The following PLCG2 variants were observed in gnomAD, a reference collection of about 807,000 sequenced individuals.
PLCG2 encodes the protein phospholipase C gamma 2.
PLCG2 carries 69 observed loss-of-function variants against 175.6 expected under a neutral mutation model. The ratio of observed to expected loss-of-function variants is 0.39; its 90% CI spans 0.32 to 0.48. The LOEUF is 0.48. PLCG2 is among the 20% of genes least tolerant of loss of function. The pLI, the probability that PLCG2 is intolerant of heterozygous loss-of-function variation, is 0.91. For synonymous variants in PLCG2, 827 were observed against 624.0 expected, an observed-to-expected ratio of 1.33 and a Z score of -4.85; for missense variants, 1,798 against 1,650.9, an observed-to-expected ratio of 1.09 and a Z score of -1.54.
At chr16:81,939,702 C>T (rs183297768) in intron 29 of PLCG2, among the ~76,000 whole-genome samples, 190 bp from the exon 30 acceptor site, 1 of 152,362 alleles carries the variant, frequency 6.6e-6, no homozygotes, top group East Asian at 1.9e-4. Context: ...CCTGCAACAG[C>T]AGCTTCCAGG....
intron 6 of PLCG2, among the ~76,000 whole-genome samples, chr16:81,869,506 C>T (rs1212752254): frequency 6.6e-6 from 1 of 152,182 alleles, no homozygotes; most frequent in African/African-American, 2.4e-5. Context: ...CAATAAAGAC[C>T]ATGTTTACTG....
intron 2 of PLCG2, among the ~76,000 whole-genome samples, chr16:81,825,200 G>A (rs1904993883): frequency 6.6e-6 from 1 of 152,078 alleles, no homozygotes; most frequent in African/African-American, 2.4e-5. Flanking sequence ...GGGCCATCCT[G>A]GCCTCAGTGA....
At chr16:81,938,682 G>A in intron 28 of PLCG2, 119 bp from the exon 29 acceptor site, 1 of 624,502 alleles carries the variant, frequency 1.6e-6, no homozygotes, top group East Asian at 2.7e-5. Flanking sequence ...AGTGAATCTA[G>A]GAAAATTAGG....
intron 30 of PLCG2, among the ~76,000 whole-genome samples, chr16:81,943,558 C>T (rs1372844233): frequency 6.6e-6 from 1 of 152,152 alleles, no homozygotes; most frequent in Non-Finnish European, 1.5e-5. Flanking sequence ...AGAGCCAAAC[C>T]ATAACATAGA....
chr16:81,940,791 C>A (rs996954647), intron 30 of PLCG2, among the ~76,000 whole-genome samples: 1 of 152,182 alleles, frequency 6.6e-6, no homozygotes. Context: ...ACAAAAAAAA[C>A]TGGCTCTCCT....
At chr16:81,803,314 GT>G (rs574317873) in intron 2 of PLCG2, among the ~76,000 whole-genome samples, 147 of 151,850 alleles carry the variant, frequency 9.7e-4, no homozygotes, top group African/African-American at 3.3e-3. Flanking sequence ...TAGAGATGGG[GT>G]TTTGCTGTGT....
At chr16:81,905,644 C>G (rs1320489123) in intron 15 of PLCG2, 137 bp downstream of exon 15, 1 of 635,044 alleles carries the variant, frequency 1.6e-6, no homozygotes, top group East Asian at 2.8e-5. Flanking sequence ...TGTGAATTTA[C>G]CTTCCTTCTT....
In PLCG2 at chr16:81,769,819, CAAAAAAAAAAA is replaced by C. The variant is rs71146043; in HGVS notation, c.-48+13870_-48+13880del. ...TGGGCGACAGAGCGAGACTCCGTCT[CAAAAAAAAAAA>C]AAAAAAAAAAAAAAAAGAAAAAGAC... On this transcript the variant is annotated intron_variant, in intron 2 of 5. Coordinates refer to the PLCG2 transcript ENST00000565054. Among the ~76,000 whole-genome samples the C allele has an allele frequency of 1.3e-3, 102 of 75,682 alleles. 1 individual carries two copies. Among genetic ancestry groups the C allele is most frequent in the Admixed American group, 4.3e-3 (23 of 5,346 alleles). 49.7% of individuals were successfully genotyped at this position (75,682 alleles called of 152,430 possible). A position where few individuals can be genotyped will look rare whatever the true frequency, so the allele number is the denominator to read the frequency against.
intron 2 of PLCG2, among the ~76,000 whole-genome samples, chr16:81,762,020 A>G (rs552129601): frequency 4.0e-5 from 6 of 151,660 alleles, no homozygotes; most frequent in Admixed American, 3.9e-4. Flanking sequence ...TTTAGTAGAG[A>G]TGGGGTTTCC....
rs1267800042 is a variant in PLCG2 at position 81,931,648 on chromosome 16, C to T, written c.2733C>T (p.Asp911=). 1.2e-6 allele frequency: 2 copies of T among 1,613,464 alleles called. No homozygotes were observed. Among genetic ancestry groups the T allele is most frequent in the African/African-American group, 2.7e-5 (2 of 74,910 alleles). The change falls in exon 25 of 33, where the codon GAC becomes GAT. Residue 911 remains aspartate, a synonymous_variant. Transcript: ENST00000564138. ...TCCGAGAGATCACCTGGAAGATTGACACCAAGGTAGGCACCTGCTCACCCG... is the reference window on the plus strand; with the variant it reads ...TCCGAGAGATCACCTGGAAGATTGATACCAAGGTAGGCACCTGCTCACCCG... ...QSIREITWKI[D]TKENNMKYWE... is the part of the protein sequence containing the mutation.
chr16:81,789,288 G>A (rs779850588), intron 2 of PLCG2, among the ~76,000 whole-genome samples: 6 of 152,132 alleles, frequency 3.9e-5, no homozygotes, highest in Non-Finnish European at 8.8e-5. Flanking sequence ...ACGCGGATGC[G>A]CTCTCTCGCT....
intron 1 of PLCG2, among the ~76,000 whole-genome samples, chr16:81,780,105 G>A (rs1365570760): frequency 2.0e-5 from 3 of 152,102 alleles, no homozygotes; most frequent in East Asian, 1.9e-4. Flanking sequence ...GTGGGGCGGG[G>A]CTCTCTTGGT....
chr16:81,886,899 A>G (rs1405271821), intron 9 of PLCG2, among the ~76,000 whole-genome samples: 3 of 152,194 alleles, frequency 2.0e-5, no homozygotes, highest in African/African-American at 7.2e-5. Context: ...TATTACAGGT[A>G]TCTAGTGCAA....
At chr16:81,815,464 C>T (rs77956945) in intron 2 of PLCG2, among the ~76,000 whole-genome samples, 2 of 152,240 alleles carry the variant, frequency 1.3e-5, no homozygotes, top group East Asian at 1.9e-4. Context: ...GAGACCACCC[C>T]CTAGAGGCTT....
intron 2 of PLCG2, among the ~76,000 whole-genome samples, chr16:81,774,122 AGGAGTTT>A (rs1331003860): frequency 7.5e-6 from 1 of 133,854 alleles, no homozygotes; most frequent in Non-Finnish European, 1.5e-5. Flanking sequence ...GCCAGAGCTC[AGGAGTTT>A]GAGATCAGCC....
At chr16:81,946,110 C>CA (rs1264786794) in intron 30 of PLCG2, 65 bp from the exon 31 acceptor site, 132 of 1,283,700 alleles carry the variant, frequency 1.0e-4, no homozygotes, top group South Asian at 4.4e-4. Flanking sequence ...AGGTAGCCTC[C>CA]AAAAAAAATC....
chr16:81,777,971 C>T (rs139935992), upstream of PLCG2, among the ~76,000 whole-genome samples: 907 of 140,098 alleles, frequency 6.5e-3, 9 homozygotes, highest in African/African-American at 0.022. Context: ...GAGCCGAGAT[C>T]GTGCCACTGC....
intron 1 of PLCG2, among the ~76,000 whole-genome samples, chr16:81,785,347 C>T (rs751430817): frequency 5.7e-4 from 87 of 152,300 alleles, no homozygotes; most frequent in Non-Finnish European, 3.4e-4. Context: ...CAGAGCTACA[C>T]AGTCAGCAGG....
At chr16:81,832,305 G>A (rs1310866240) in intron 2 of PLCG2, among the ~76,000 whole-genome samples, 3 of 152,198 alleles carry the variant, frequency 2.0e-5, no homozygotes, top group African/African-American at 7.2e-5. Context: ...CCACATTTTA[G>A]GAATAATCCT....
Sources: gnomAD v4.1 joint callset for allele counts (sites outside exome capture counted in the v4.1 genomes callset) on GRCh38, gnomAD v4.1.1 for gene constraint, MANE v1.5 for transcripts, NCBI Gene and HGNC (gene_info 2026-07-23, HGNC 2026-07-21) for gene names.